PCDHA8: variants seen among roughly 807,000 people sequenced by gnomAD.
The protein encoded by PCDHA8 is protocadherin alpha-8.
PCDHA8 carries 53 observed loss-of-function variants against 61.8 expected under a neutral mutation model. That is an observed-to-expected ratio of 0.86 (90% CI 0.69 to 1.08). PCDHA8 has a LOEUF of 1.08. Ranked by LOEUF, PCDHA8 falls within the 50% of genes least tolerant of loss-of-function variation. The pLI is 0.00. For synonymous variants in PCDHA8, 618 were observed against 556.6 expected, an observed-to-expected ratio of 1.11 and a Z score of -1.55; for missense variants, 1,293 against 1,245.0, an observed-to-expected ratio of 1.04 and a Z score of -0.58.
chr5:141,011,247 G>A lies in PCDHA8; in HGVS notation c.*1310G>A, dbSNP rs1554263390. On this transcript the variant is annotated 3_prime_UTR_variant, in exon 4 of 4. Transcript: ENST00000531613. The stretch of plus-strand genomic sequence containing the variant: ...TCTACTAATTCTGTGACTTGTCTTG[G>A]TGTGCTAGCCTACACCTTCTCTTTG... The A allele has an allele frequency of 2.0e-5, 3 of 153,772 alleles. No individual in the cohort carries two copies. The highest frequency in any genetic ancestry group is 7.2e-5 in the African/African-American group (3 of 41,538). The allele number at this position is 153,772 out of a possible 1,614,324, so 9.5% of individuals were successfully genotyped here.
Position 140,892,963 on chromosome 5 carries a change from A to C in PCDHA8, c.2394+49248A>C, listed in dbSNP as rs138089244. Among the ~76,000 whole-genome samples, 29 of 152,284 alleles carry C rather than the reference A, an allele frequency of 1.9e-4. No individual in the cohort carries two copies. In the East Asian group the frequency reaches 5.6e-3, roughly 29 times the overall value. ...ACAATACTACTTCCATGAGCTCAAT[A>C]AAATTTTGTAGCTGCCGTATAAGTG... On this transcript the variant is annotated intron_variant, in intron 1 of 3. Transcript: ENST00000531613.
intron 1 of PCDHA8, among the ~76,000 whole-genome samples, chr5:140,905,599 G>A (rs782355615): frequency 2.0e-5 from 3 of 152,096 alleles, no homozygotes; most frequent in Non-Finnish European, 2.9e-5. Context: ...GCTGGGAATT[G>A]CATTGAATCT....
At chr5:140,870,318 G>C in intron 1 of PCDHA8, 1 of 1,614,178 alleles carries the variant, frequency 6.2e-7, no homozygotes, top group Non-Finnish European at 8.5e-7. Flanking sequence ...ATTACTACTC[G>C]TTGGTGCTGG....
At position 140,927,248 on chromosome 5, in the gene PCDHA8, A is replaced by T. The variant is rs572200211; in HGVS notation, c.2395-51701A>T. On this transcript the variant is annotated intron_variant, in intron 1 of 3. Transcript: ENST00000531613. The stretch of plus-strand genomic sequence containing the variant: ...CGGATTCACGTCCTGGACACCAATG[A>T]CAACTCACCTCTCTTTCCTGCCGGC... 3.5e-5 allele frequency: 56 copies of T among 1,614,064 alleles called. No homozygotes were observed. The South Asian group carries it at 5.7e-4, about 16-fold the overall frequency.
chr5:140,906,718 G>C (rs1554192673), intron 1 of PCDHA8, among the ~76,000 whole-genome samples: 1 of 152,140 alleles, frequency 6.6e-6, no homozygotes, highest in Admixed American at 6.5e-5. Flanking sequence ...TGCCTGGATT[G>C]TGCTGTTGTA....
chr5:140,961,515 C>T (rs2095619049), intron 1 of PCDHA8, among the ~76,000 whole-genome samples: 1 of 152,092 alleles, frequency 6.6e-6, no homozygotes, highest in Admixed American at 6.5e-5. Flanking sequence ...TTTAATGTCT[C>T]CACAAATTCT....
chr5:140,854,873 T>C (rs575703507), intron 1 of PCDHA8, among the ~76,000 whole-genome samples: 7 of 150,078 alleles, frequency 4.7e-5, no homozygotes, highest in African/African-American at 1.7e-4. Flanking sequence ...TTCAGAACTG[T>C]GTCTTTTGGG....
At chr5:140,961,387 C>T (rs1249667395) in intron 1 of PCDHA8, among the ~76,000 whole-genome samples, 1 of 152,148 alleles carries the variant, frequency 6.6e-6, no homozygotes, top group Admixed American at 6.5e-5. Flanking sequence ...TTGAACTATT[C>T]CATTAGTAAA....
Position 140,856,069 on chromosome 5 carries a change from C to A in PCDHA8, c.2394+12354C>A, listed in dbSNP as rs149846721. ...ATAAGATGGTTTCCAGATGTAGCTG[C>A]CTGGGGGTCCAGTGTCTGCTGCTCT... On this transcript the variant is annotated intron_variant, in intron 1 of 3. Coordinates refer to ENST00000531613, the MANE Select transcript of PCDHA8 (RefSeq NM_018911.3). 5 of 1,591,600 alleles carry A rather than the reference C, an allele frequency of 3.1e-6. 1 individual carries two copies. Among genetic ancestry groups the A allele is most frequent in the Non-Finnish European group, 4.3e-6 (5 of 1,163,516 alleles).
intron 1 of PCDHA8, chr5:140,967,063 C>T (rs1554229129): frequency 6.2e-7 from 1 of 1,612,820 alleles, no homozygotes; most frequent in Non-Finnish European, 8.5e-7. Flanking sequence ...GTGGAGCGCT[C>T]TTCGTCAACG....
chr5:140,973,105 G>C (rs1166565820), intron 1 of PCDHA8, among the ~76,000 whole-genome samples: 1 of 152,180 alleles, frequency 6.6e-6, no homozygotes, highest in Non-Finnish European at 1.5e-5. Flanking sequence ...AATTATGAAA[G>C]AGTAGCAGAG....
In PCDHA8 at chr5:140,883,501, C is replaced by A. The variant is rs570168326; in HGVS notation, c.2394+39786C>A. On this transcript the variant is annotated intron_variant, in intron 1 of 3. Transcript: ENST00000531613. ...ACTACTACTCATTAGTGCTGGACAGCGCCCTGGACCGCGAGAGCGTATCAG... is the reference window on the plus strand; with the variant it reads ...ACTACTACTCATTAGTGCTGGACAGAGCCCTGGACCGCGAGAGCGTATCAG... 3.7e-6 allele frequency: 6 copies of A among 1,614,194 alleles called. No homozygotes were observed. In the Admixed American group the frequency reaches 8.3e-5, roughly 22 times the overall value.
rs2054518116 is a variant in PCDHA8, at chr5:140,873,832, T to G, written c.2394+30117T>G. Among the ~76,000 whole-genome samples, 4 of 152,260 alleles carry G rather than the reference T, an allele frequency of 2.6e-5. No homozygotes were observed. In the South Asian group the frequency reaches 8.3e-4, roughly 32 times the overall value. On this transcript the variant is annotated intron_variant, in intron 1 of 3. Transcript: ENST00000531613. ...TGCACCACCACTCCTGGCTAATTTT[T>G]GTATTTTTAGTAGAGATGGGTTTTC...
At chr5:140,884,607 T>C (rs1554181780) in intron 1 of PCDHA8, 1 of 1,614,044 alleles carries the variant, frequency 6.2e-7, no homozygotes, top group Non-Finnish European at 8.5e-7. Flanking sequence ...CCTCCTTGTC[T>C]GGGTTCTGCA....
At chr5:140,848,380 T>A in intron 1 of PCDHA8, 1 of 1,186,720 alleles carries the variant, frequency 8.4e-7, no homozygotes, top group Non-Finnish European at 1.2e-6. Context: ...CAATTCTTTT[T>A]CACTCTCTCT....
chr5:140,953,963 G>A lies in PCDHA8; in HGVS notation c.2395-24986G>A, dbSNP rs193094168. ...CATTGCTCCCCCAACAGGCCCCAGT[G>A]TGTGTTGTTCCCCTTCATATTTTCA... On this transcript the variant is annotated intron_variant, in intron 1 of 3. Transcript: ENST00000531613. Among the ~76,000 whole-genome samples the A allele has an allele frequency of 2.1e-3, 322 of 152,136 alleles. 11 individuals carry two copies. Among genetic ancestry groups the A allele is most frequent in the Admixed American group, 0.021 (314 of 15,274 alleles).
intron 1 of PCDHA8, among the ~76,000 whole-genome samples, chr5:140,961,366 C>T (rs1384222732): frequency 6.6e-6 from 1 of 152,144 alleles, no homozygotes; most frequent in Non-Finnish European, 1.5e-5. Context: ...CATTAGAATT[C>T]TCCTTCTAGT....
chr5:140,874,152 T>C (rs1416330070), intron 1 of PCDHA8, among the ~76,000 whole-genome samples: 1 of 152,228 alleles, frequency 6.6e-6, no homozygotes, highest in African/African-American at 2.4e-5. Context: ...TGTAGAGCCA[T>C]TCTTGGTTAC....
At chr5:140,973,472 T>C (rs572763440) in intron 1 of PCDHA8, among the ~76,000 whole-genome samples, 3 of 152,220 alleles carry the variant, frequency 2.0e-5, no homozygotes, top group Non-Finnish European at 4.4e-5. Flanking sequence ...AGTTTGCAAA[T>C]TTCATATTGG....
Sources: gnomAD v4.1 joint callset for allele counts (sites outside exome capture counted in the v4.1 genomes callset) on GRCh38, gnomAD v4.1.1 for gene constraint, MANE v1.5 for transcripts, NCBI Gene and HGNC (gene_info 2026-07-23, HGNC 2026-07-21) for gene names.